The following COL10A1 variants were observed in gnomAD, a reference collection of about 807,000 sequenced individuals.
COL10A1 encodes the protein collagen alpha-1(X) chain.
Under a neutral mutation model 18.2 loss-of-function variants are expected in COL10A1, and 10 were observed. The ratio of observed to expected loss-of-function variants is 0.55; its 90% CI spans 0.34 to 0.93. The LOEUF (loss-of-function observed/expected upper bound fraction) is 0.93, where lower values mean the gene tolerates loss of function less well. Ranked by LOEUF, COL10A1 falls within the 40% of genes least tolerant of loss-of-function variation. COL10A1 has a pLI of 0.02. For synonymous variants in COL10A1, 330 were observed against 316.6 expected, an observed-to-expected ratio of 1.04 and a Z score of -0.45; for missense variants, 897 against 853.5, an observed-to-expected ratio of 1.05 and a Z score of -0.64.
At chr6:116,141,316 A>G (rs1779758411) in intron 1 of COL10A1, among the ~76,000 whole-genome samples, 2 of 147,332 alleles carry the variant, frequency 1.4e-5, no homozygotes, top group African/African-American at 2.5e-5. Flanking sequence ...TATTTTTGAT[A>G]TTTATTTTCG....
chr6:116,163,697 G>A (rs9400891), upstream of COL10A1, among the ~76,000 whole-genome samples: 8 of 152,004 alleles, frequency 5.3e-5, no homozygotes, highest in East Asian at 1.5e-3. Context: ...AGTTTGTTAG[G>A]TACATCATTT....
chr6:116,203,499 C>T, the COL10A1 span, among the ~76,000 whole-genome samples: 3 of 151,768 alleles, frequency 2.0e-5, no homozygotes, highest in East Asian at 5.8e-4. Flanking sequence ...GTGGCTCTTC[C>T]TCAACATTAT....
the COL10A1 span, among the ~76,000 whole-genome samples, chr6:116,212,186 A>T: frequency 1.3e-5 from 2 of 152,070 alleles, no homozygotes; most frequent in Non-Finnish European, 1.5e-5. Flanking sequence ...CTGATTTGAA[A>T]CTTTAGTATG....
At chr6:116,139,260 G>A (rs1779704103) in intron 1 of COL10A1, among the ~76,000 whole-genome samples, 1 of 152,086 alleles carries the variant, frequency 6.6e-6, no homozygotes, top group Admixed American at 6.6e-5. Context: ...CAGTCTACTA[G>A]TAACAATTTG....
At chr6:116,141,305 A>G (rs868408333) in intron 1 of COL10A1, among the ~76,000 whole-genome samples, 1 of 151,100 alleles carries the variant, frequency 6.6e-6, no homozygotes, top group Non-Finnish European at 1.5e-5. Flanking sequence ...GTATTCTTAC[A>G]TATTTTTGAT....
chr6:116,166,976 C>G, the COL10A1 span, among the ~76,000 whole-genome samples: 19 of 151,978 alleles, frequency 1.3e-4, no homozygotes, highest in Non-Finnish European at 2.6e-4. Context: ...TTTGGGGAGC[C>G]TACTCTGTAC....
the COL10A1 span, among the ~76,000 whole-genome samples, chr6:116,168,591 G>C: frequency 6.6e-6 from 1 of 152,000 alleles, no homozygotes; most frequent in Non-Finnish European, 1.5e-5. Flanking sequence ...GAGCTGCTGT[G>C]GATCTGGTTC....
At chr6:116,191,572 C>A in the COL10A1 span, among the ~76,000 whole-genome samples, 1 of 151,948 alleles carries the variant, frequency 6.6e-6, no homozygotes, top group African/African-American at 2.4e-5. Flanking sequence ...TTAAAATAGC[C>A]ACATCTTTTC....
chr6:116,134,262 G>A (rs1462468822), intron 1 of COL10A1, among the ~76,000 whole-genome samples: 1 of 152,104 alleles, frequency 6.6e-6, no homozygotes, highest in East Asian at 1.9e-4. Context: ...GCCAGGTTGG[G>A]TTCTAGGAAT....
chr6:116,173,928 C>G, the COL10A1 span, among the ~76,000 whole-genome samples: 1 of 152,168 alleles, frequency 6.6e-6, no homozygotes, highest in African/African-American at 2.4e-5. Context: ...ATTCAGGATA[C>G]CACATTGCAT....
chr6:116,198,927 G>T, the COL10A1 span, among the ~76,000 whole-genome samples: 1 of 152,110 alleles, frequency 6.6e-6, no homozygotes, highest in East Asian at 1.9e-4. Context: ...GTGTAAATTA[G>T]ATGAAGAATC....
At position 116,119,937 on chromosome 6, in the gene COL10A1, T is replaced by G; in HGVS notation, c.*136A>C. 1 of 842,890 alleles carries G rather than the reference T, an allele frequency of 1.2e-6. No individual in the cohort carries two copies. The highest frequency in any genetic ancestry group is 1.9e-6 in the Non-Finnish European group (1 of 514,660). The allele number at this position is 842,890 out of a possible 1,614,324, so 52.2% of individuals were successfully genotyped here. A position where few individuals can be genotyped will look rare whatever the true frequency, so the allele number is the denominator to read the frequency against. On this transcript the variant is annotated 3_prime_UTR_variant, in exon 3 of 3. Coordinates refer to ENST00000651968, the MANE Select transcript of COL10A1 (RefSeq NM_000493.4). The stretch of plus-strand genomic sequence containing the variant: ...ACTTTTCAGGGGGAAGGTTTGTTGG[T>G]CTGATAGCTCAAATCTGTATTTCAG...
upstream of COL10A1, among the ~76,000 whole-genome samples, chr6:116,128,345 C>T (rs1346944573): frequency 6.6e-6 from 1 of 152,150 alleles, no homozygotes; most frequent in Non-Finnish European, 1.5e-5. Context: ...AGCCACACCC[C>T]ACCCAATTGT....
chr6:116,186,644 T>G, the COL10A1 span, among the ~76,000 whole-genome samples: 1 of 152,080 alleles, frequency 6.6e-6, no homozygotes, highest in African/African-American at 2.4e-5. Flanking sequence ...GCTCTGACTT[T>G]TTCTTCTACT....
the COL10A1 span, among the ~76,000 whole-genome samples, chr6:116,186,867 G>A: frequency 6.6e-6 from 1 of 151,864 alleles, no homozygotes; most frequent in Non-Finnish European, 1.5e-5. Flanking sequence ...TCTTTTTCTG[G>A]CAATTCAGAG....
the COL10A1 span, among the ~76,000 whole-genome samples, chr6:116,202,719 A>G: frequency 1.3e-5 from 2 of 152,040 alleles, no homozygotes; most frequent in African/African-American, 4.8e-5. Flanking sequence ...TGCAGTGTAC[A>G]GTTTCATAAA....
chr6:116,157,230 A>AT (rs1411433046), intron 1 of COL10A1, among the ~76,000 whole-genome samples: 6 of 152,138 alleles, frequency 3.9e-5, no homozygotes, highest in South Asian at 2.1e-4. Flanking sequence ...AAAAATGAGG[A>AT]TTCCCCCCCA....
At chr6:116,216,864 C>A in the COL10A1 span, among the ~76,000 whole-genome samples, 3 of 152,260 alleles carry the variant, frequency 2.0e-5, no homozygotes, top group Admixed American at 6.5e-5. Flanking sequence ...TTAAACAGTT[C>A]ATCGCTAGGC....
At chr6:116,144,416 T>C (rs1779844358) in intron 1 of COL10A1, among the ~76,000 whole-genome samples, 1 of 151,258 alleles carries the variant, frequency 6.6e-6, no homozygotes. Flanking sequence ...CAGGGGAATC[T>C]CTTGAACCCA....
Sources: allele counts gnomAD v4.1 joint callset (sites outside exome capture counted in the v4.1 genomes callset), GRCh38; gene constraint gnomAD v4.1.1; transcripts MANE v1.5; gene names NCBI Gene and HGNC (gene_info 2026-07-23, HGNC 2026-07-21).